The following XIRP2 variants were observed in gnomAD, a reference collection of about 807,000 sequenced individuals.
XIRP2 encodes the protein xin actin binding repeat containing 2.
XIRP2 carries 236 observed loss-of-function variants against 277.0 expected under a neutral mutation model. That is an observed-to-expected ratio of 0.85 (90% CI 0.77 to 0.95). The LOEUF (loss-of-function observed/expected upper bound fraction) is 0.95. Among genes scored for constraint, XIRP2 ranks in the 40% least tolerant of loss-of-function variants. The pLI, the probability that XIRP2 is intolerant of heterozygous loss-of-function variation, is 0.00. For missense variants in XIRP2, 4,640 were observed against 4,157.5 expected, an observed-to-expected ratio of 1.12 and a Z score of -3.19; for synonymous variants, 1,490 against 1,416.5, an observed-to-expected ratio of 1.05 and a Z score of -1.17.
chr2:166,925,280 G>C (rs1574083021), intron 2 of XIRP2, among the ~76,000 whole-genome samples: 1 of 151,914 alleles, frequency 6.6e-6, no homozygotes, highest in East Asian at 1.9e-4. Context: ...TTCTAAGTTT[G>C]CATTTCACAT....
chr2:167,087,571 C>T (rs1437448177), intron 2 of XIRP2, among the ~76,000 whole-genome samples: 3 of 152,240 alleles, frequency 2.0e-5, no homozygotes, highest in Non-Finnish European at 2.9e-5. Flanking sequence ...TGATCTCAGA[C>T]TGCTATGCTA....
rs1166276165 is a variant in XIRP2, at chr2:167,244,817, ACT to A, written c.3428_3429del (p.Ser1143Ter). The A allele has an allele frequency of 6.2e-6, 10 of 1,613,720 alleles. No homozygotes were observed. Among genetic ancestry groups the A allele is most frequent in the African/African-American group, 1.3e-5 (1 of 75,008 alleles). On this transcript the variant is annotated frameshift_variant, in exon 9 of 11. Transcript: ENST00000409195. LOFTEE classifies it high-confidence loss of function. ...CAGCCACTTGATACCATAAAAGATGACTCTGAAACAGCAGTCAAATTGCAAAC... is the reference window on the plus strand; with the variant it reads ...CAGCCACTTGATACCATAAAAGATGACTGAAACAGCAGTCAAATTGCAAAC...
Position 167,025,433 on chromosome 2 carries a change from G to T in XIRP2, c.409-110476G>T, listed in dbSNP as rs530671745. 9.1e-3 allele frequency among the ~76,000 whole-genome samples: 1,376 copies of T among 152,018 alleles called. 10 individuals are homozygous for T. The highest frequency in any genetic ancestry group is 0.015 in the Non-Finnish European group (1,002 of 67,948). ...GCTGGATTCATTAATTTTTTGAAGG[G>T]TTTTTTGTGTCTCCATTTCCTTCAG... On this transcript the variant is annotated intron_variant, in intron 2 of 10. Coordinates refer to ENST00000409195, the MANE Select transcript of XIRP2 (RefSeq NM_152381.6).
At chr2:167,171,622 G>A (rs1559006360) in intron 3 of XIRP2, among the ~76,000 whole-genome samples, 1 of 152,164 alleles carries the variant, frequency 6.6e-6, no homozygotes, top group Non-Finnish European at 1.5e-5. Flanking sequence ...ACCGATATTA[G>A]TCTGCTTATT....
intron 3 of XIRP2, among the ~76,000 whole-genome samples, chr2:167,175,927 A>G (rs1036987222): frequency 1.3e-5 from 2 of 152,084 alleles, no homozygotes; most frequent in African/African-American, 4.8e-5. Flanking sequence ...TGAGGGAAAA[A>G]CCACCTACTC....
intron 3 of XIRP2, among the ~76,000 whole-genome samples, chr2:167,169,612 A>G (rs1333349663): frequency 6.6e-6 from 1 of 152,202 alleles, no homozygotes; most frequent in Non-Finnish European, 1.5e-5. Flanking sequence ...AGACTGAGTG[A>G]GGGGTAACCT....
At chr2:166,964,206 C>G (rs1686368598) in intron 2 of XIRP2, among the ~76,000 whole-genome samples, 1 of 151,788 alleles carries the variant, frequency 6.6e-6, no homozygotes, top group African/African-American at 2.4e-5. Flanking sequence ...TTCATTCCAG[C>G]AGCTGGTTCA....
intron 3 of XIRP2, among the ~76,000 whole-genome samples, chr2:167,191,858 A>C (rs1693348103): frequency 6.6e-6 from 1 of 152,176 alleles, no homozygotes; most frequent in Non-Finnish European, 1.5e-5. Flanking sequence ...AAAAGTAAGG[A>C]ATTGCCAAAT....
intron 2 of XIRP2, among the ~76,000 whole-genome samples, chr2:167,033,773 C>G (rs989358025): frequency 5.9e-5 from 9 of 152,056 alleles, no homozygotes; most frequent in Non-Finnish European, 1.0e-4. Context: ...ATAGTATGCC[C>G]TGGGAAAATA....
intron 3 of XIRP2, among the ~76,000 whole-genome samples, chr2:167,165,549 A>G (rs1692500908): frequency 6.6e-6 from 1 of 152,170 alleles, no homozygotes; most frequent in African/African-American, 2.4e-5. Flanking sequence ...TACTGGGTGT[A>G]TAGTGTTCTC....
At chr2:167,208,396 C>T (rs1693919855) in intron 3 of XIRP2, among the ~76,000 whole-genome samples, 1 of 152,200 alleles carries the variant, frequency 6.6e-6, no homozygotes, top group South Asian at 2.1e-4. Context: ...CAAGCTTCGC[C>T]TCCCGGGTTC....
At chr2:167,172,538 C>T (rs565901575) in intron 3 of XIRP2, among the ~76,000 whole-genome samples, 10 of 152,258 alleles carry the variant, frequency 6.6e-5, no homozygotes, top group African/African-American at 1.9e-4. Flanking sequence ...AAAAGACAGA[C>T]GTCCCCAGAA....
In XIRP2 at chr2:167,005,058, A is replaced by C. The variant is rs16852845; in HGVS notation, c.408+101168A>C. Among the ~76,000 whole-genome samples, 992 of 152,030 alleles carry C rather than the reference A, an allele frequency of 6.5e-3. 15 individuals carry two copies. Among genetic ancestry groups the C allele is most frequent in the African/African-American group, 0.023 (943 of 41,532 alleles). ...GCAAGAAATAATAAATTCAAAAAAG[A>C]AAGTAACTAATATAATGTAAAATAA... On this transcript the variant is annotated intron_variant, in intron 2 of 10. Coordinates refer to ENST00000409195, the MANE Select transcript of XIRP2 (RefSeq NM_152381.6).
chr2:166,949,119 G>A (rs951617887), intron 2 of XIRP2, among the ~76,000 whole-genome samples: 2 of 151,716 alleles, frequency 1.3e-5, no homozygotes, highest in African/African-American at 4.8e-5. Context: ...AGTCAAATAG[G>A]CTCATGAGGT....
chr2:167,128,785 A>C (rs948430730), intron 2 of XIRP2, among the ~76,000 whole-genome samples: 2 of 151,870 alleles, frequency 1.3e-5, no homozygotes, highest in Non-Finnish European at 2.9e-5. Flanking sequence ...CTTTATTATC[A>C]CACTCTTTTT....
chr2:166,934,208 AAAAAAAC>A (rs1417061733), intron 2 of XIRP2, among the ~76,000 whole-genome samples: 4 of 150,838 alleles, frequency 2.7e-5, no homozygotes, highest in African/African-American at 7.4e-5. Context: ...AAAAAAAAAA[AAAAAAAC>A]AAAACTAGGG....
chr2:167,113,985 T>C (rs1214643922), intron 2 of XIRP2, among the ~76,000 whole-genome samples: 1 of 152,204 alleles, frequency 6.6e-6, no homozygotes, highest in Non-Finnish European at 1.5e-5. Context: ...ATCTAGCTTG[T>C]AAGGTTTCCG....
intron 3 of XIRP2, among the ~76,000 whole-genome samples, chr2:167,181,161 G>A (rs1692996575): frequency 6.6e-6 from 1 of 152,208 alleles, no homozygotes; most frequent in African/African-American, 2.4e-5. Context: ...GGTATATAAT[G>A]ATGGGGTAGG....
chr2:167,057,913 A>C (rs2105545877), intron 2 of XIRP2, among the ~76,000 whole-genome samples: 1 of 152,238 alleles, frequency 6.6e-6, no homozygotes, highest in Non-Finnish European at 1.5e-5. Flanking sequence ...TAAAAACATA[A>C]GTAAATCACA....
Sources: gnomAD v4.1 joint callset for allele counts (sites outside exome capture counted in the v4.1 genomes callset) on GRCh38, gnomAD v4.1.1 for gene constraint, MANE v1.5 for transcripts, NCBI Gene and HGNC (gene_info 2026-07-23, HGNC 2026-07-21) for gene names.